The following AASS variants were observed in gnomAD, a reference collection of about 807,000 sequenced individuals.
AASS encodes the protein aminoadipate-semialdehyde synthase.
A neutral mutation model predicts 105.4 loss-of-function variants in AASS; 86 were observed. That is an observed-to-expected ratio of 0.82 (90% CI 0.69 to 0.98). The LOEUF is 0.98. Ranked by LOEUF, AASS falls within the 50% of genes least tolerant of loss-of-function variation. The probability of loss-of-function intolerance (pLI) is 0.00; values close to 1 mark genes in which losing one functional copy is unlikely to be tolerated. For missense variants in AASS, 1,048 were observed against 1,143.2 expected (o/e 0.92, Z 1.20); for synonymous variants, 381 against 394.8 (o/e 0.96, Z 0.41).
chr7:122,117,432 C>T (rs1403364508), intron 6 of AASS, among the ~76,000 whole-genome samples: 1 of 152,030 alleles, frequency 6.6e-6, no homozygotes, highest in Non-Finnish European at 1.5e-5. Flanking sequence ...ATTCTTAAAA[C>T]CACCAGAGAA....
At chr7:122,105,685 A>G (rs1369878546) in intron 11 of AASS, among the ~76,000 whole-genome samples, 1 of 152,076 alleles carries the variant, frequency 6.6e-6, no homozygotes, top group Non-Finnish European at 1.5e-5. Flanking sequence ...ACAAATGAAA[A>G]TGAAAACACA....
chr7:122,098,911 T>C lies in AASS; in HGVS notation c.1407-45A>G, dbSNP rs758948275. 3.3e-6 allele frequency: 5 copies of C among 1,498,992 alleles called. No homozygotes were observed. The South Asian group carries it at 6.6e-5, about 20-fold the overall frequency. 92.9% of individuals were successfully genotyped at this position (1,498,992 alleles called of 1,614,324 possible). A position where few individuals can be genotyped will look rare whatever the true frequency, so the allele number is the denominator to read the frequency against. ...AAAAAAAAAAAGGGAAGGGGCTAAT[T>C]AAAAATTTTTTTTTAAATAACAGAA... On this transcript the variant is annotated intron_variant, in intron 13 of 23. Coordinates refer to ENST00000417368, the MANE Select transcript of AASS (RefSeq NM_005763.4).
intron 1 of AASS, among the ~76,000 whole-genome samples, chr7:122,140,226 C>T (rs1047765798): frequency 6.6e-6 from 1 of 151,950 alleles, no homozygotes; most frequent in Admixed American, 6.6e-5. Flanking sequence ...TGGCTCACAC[C>T]TGTAATCCCA....
Position 122,093,143 on chromosome 7 carries a change from T to C in AASS, c.1671A>G (p.Val557=), listed in dbSNP as rs747130831. 3 of 1,613,584 alleles carry C rather than the reference T, an allele frequency of 1.9e-6. No homozygotes were observed. The highest frequency in any genetic ancestry group is 1.1e-5 in the South Asian group (1 of 91,078). ...AGGCCTTGGCCACAAGAGGGTGCAATACATAAGGCAACAAGCTTGAAAACA... is the reference window on the plus strand; with the variant it reads ...AGGCCTTGGCCACAAGAGGGTGCAACACATAAGGCAACAAGCTTGAAAACA... The part of the protein sequence containing the change: ...QDLVISLLPY[V]LHPLVAKACI... Residue 557 remains valine (V), a synonymous_variant, in exon 16 of 24, where the codon GTA becomes GTG. Coordinates refer to ENST00000417368, the MANE Select transcript of AASS (RefSeq NM_005763.4).
intron 19 of AASS, chr7:122,082,957 A>C: frequency 9.9e-7 from 1 of 1,011,404 alleles, no homozygotes; most frequent in Non-Finnish European, 1.4e-6. Context: ...AAAGACCATA[A>C]TGGTTTATTC....
At position 122,082,866 on chromosome 7, in the gene AASS, C is replaced by T. The variant is rs1381771973; in HGVS notation, c.2185-1271G>A. ...AGGTATTCAACATTATTCAACATTCCAATCCATTATTCAGCATTCCAATCC... is the reference window on the plus strand; with the variant it reads ...AGGTATTCAACATTATTCAACATTCTAATCCATTATTCAGCATTCCAATCC... On this transcript the variant is annotated intron_variant, in intron 19 of 23. Transcript: ENST00000417368. 2.3e-6 allele frequency: 3 copies of T among 1,289,394 alleles called. No homozygotes were observed. In the Admixed American group the frequency reaches 6.9e-5, roughly 30 times the overall value. The allele number at this position is 1,289,394 out of a possible 1,614,324, so 79.9% of individuals were successfully genotyped here.
intron 18 of AASS, among the ~76,000 whole-genome samples, chr7:122,090,393 G>A (rs187281031): frequency 3.3e-5 from 5 of 152,180 alleles, no homozygotes; most frequent in African/African-American, 7.2e-5. Context: ...GGGATGAGGC[G>A]CTGGTACTTT....
At chr7:122,106,010 T>C (rs1319205309) in intron 11 of AASS, among the ~76,000 whole-genome samples, 1 of 151,966 alleles carries the variant, frequency 6.6e-6, no homozygotes, top group South Asian at 2.1e-4. Flanking sequence ...ATGAATAAAA[T>C]TTTAGATGAC....
intron 8 of AASS, 138 bp downstream of exon 8, chr7:122,116,495 A>G: frequency 2.8e-6 from 3 of 1,086,514 alleles, no homozygotes; most frequent in Non-Finnish European, 2.7e-6. Flanking sequence ...ATAGCTCCAA[A>G]GGCCAAATCA....
At chr7:122,087,313 G>A (rs1047732865) in intron 18 of AASS, among the ~76,000 whole-genome samples, 6 of 152,134 alleles carry the variant, frequency 3.9e-5, no homozygotes, top group Non-Finnish European at 7.4e-5. Context: ...GAAAGAAAAG[G>A]GCTATGCTGA....
intron 21 of AASS, 108 bp downstream of exon 21, chr7:122,079,489 G>C (rs1276863615): frequency 9.2e-7 from 1 of 1,090,188 alleles, no homozygotes; most frequent in Non-Finnish European, 1.4e-6. Context: ...CCACATTAGA[G>C]CAACGAATTA....
rs187416666 is a variant in AASS at position 122,124,803 on chromosome 7, C to T, written c.472+1572G>A. The stretch of plus-strand genomic sequence containing the variant: ...CCTGAAAGGCCCTAGGAATCATAGT[C>T]ATCAGAGGTCTCTCTATTACTGCTT... On this transcript the variant is annotated intron_variant, in intron 4 of 23. Transcript: ENST00000417368. Among the ~76,000 whole-genome samples the T allele has an allele frequency of 1.1e-4, 17 of 152,240 alleles. No individual in the cohort carries two copies. The East Asian group carries it at 2.9e-3, about 26-fold the overall frequency.
rs1266677967 is a variant in AASS, at chr7:122,086,313, C to T, written c.2017-134G>A. ...AAAATAATGAAACCACCATAATCAT[C>T]ATCCTATACTTAAGCTGTTCTACTA... On this transcript the variant is annotated intron_variant, in intron 18 of 23. Coordinates refer to ENST00000417368, the MANE Select transcript of AASS (RefSeq NM_005763.4). 8 of 841,306 alleles carry T rather than the reference C, an allele frequency of 9.5e-6. No individual in the cohort carries two copies. In the Admixed American group the frequency reaches 1.6e-4, roughly 17 times the overall value. 52.1% of individuals were successfully genotyped at this position (841,306 alleles called of 1,614,324 possible).
At chr7:122,079,357 C>T in intron 21 of AASS, 1 of 1,376,798 alleles carries the variant, frequency 7.3e-7, no homozygotes, top group Non-Finnish European at 9.4e-7. Context: ...CCCCACTATG[C>T]TTGGGAACTG....
In AASS at chr7:122,141,852, C is replaced by T. The variant is rs576352443; in HGVS notation, c.-16+2309G>A. ...AAAAATATAATACTAAAGTCCCTTTCAGGCTCTGATATTCTGATTCTATTA... is the reference window on the plus strand; with the variant it reads ...AAAAATATAATACTAAAGTCCCTTTTAGGCTCTGATATTCTGATTCTATTA... On this transcript the variant is annotated intron_variant, in intron 1 of 23. Transcript: ENST00000417368. 3.3e-5 allele frequency among the ~76,000 whole-genome samples: 5 copies of T among 152,232 alleles called. No homozygotes were observed. In the South Asian group the frequency reaches 1.0e-3, roughly 32 times the overall value.
At chr7:122,101,578 TA>T (rs761760876) in intron 12 of AASS, 42 bp downstream of exon 12, 14 of 1,559,504 alleles carry the variant, frequency 9.0e-6, no homozygotes, top group Admixed American at 1.7e-5. Context: ...AAAATGGTAG[TA>T]AAAAAATACA....
rs933178286 is a variant in AASS at position 122,075,149 on chromosome 7, C to T, written c.*1340G>A. 1.3e-5 allele frequency among the ~76,000 whole-genome samples: 2 copies of T among 152,228 alleles called. No homozygotes were observed. Among genetic ancestry groups the T allele is most frequent in the Non-Finnish European group, 2.9e-5 (2 of 68,044 alleles). On this transcript the variant is annotated 3_prime_UTR_variant, in exon 24 of 24. Transcript: ENST00000417368. Reference sequence around the variant, plus strand: ...TCAGACTCCCAAAGTGTTGGGATTACAGGCACAAGCCACCAAGCTTGACCA... The same window carrying T: ...TCAGACTCCCAAAGTGTTGGGATTATAGGCACAAGCCACCAAGCTTGACCA...
Position 122,133,549 on chromosome 7 carries a change from GTA to G in AASS, c.176_177del (p.Ile59ThrfsTer10). ...TGAATGGCCCGCCGATTCGAAGGCT[GTA>G]TCAAGACCTTGTATCCCAGATTGGT... Reference protein sequence around the residue: ...GITNLGYKVLIQPSNRRAIHD... With the variant: ...GITNLGYKVLXQPSNRRAIHD... On this transcript the variant is annotated frameshift_variant, in exon 2 of 24. Coordinates refer to ENST00000417368, the MANE Select transcript of AASS (RefSeq NM_005763.4). LOFTEE classifies it high-confidence loss of function. 6.2e-7 allele frequency: 1 copy of G among 1,614,228 alleles called. No homozygotes were observed. The highest frequency in any genetic ancestry group is 8.5e-7 in the Non-Finnish European group (1 of 1,180,044).
intron 19 of AASS, among the ~76,000 whole-genome samples, chr7:122,085,603 C>T (rs1793583499): frequency 6.6e-6 from 1 of 152,114 alleles, no homozygotes. Flanking sequence ...AGACAAAAAT[C>T]GTATTTTTGG....
Sources: gnomAD v4.1 joint callset for allele counts (sites outside exome capture counted in the v4.1 genomes callset) on GRCh38, gnomAD v4.1.1 for gene constraint, MANE v1.5 for transcripts, NCBI Gene and HGNC (gene_info 2026-07-23, HGNC 2026-07-21) for gene names.